MED27: variants seen among roughly 807,000 people sequenced by gnomAD.
The protein encoded by MED27 is mediator of RNA polymerase II transcription subunit 27.
MED27 carries 30 observed loss-of-function variants against 38.2 expected under a neutral mutation model. The ratio of observed to expected loss-of-function variants is 0.79; its 90% CI spans 0.59 to 1.07. MED27 has a LOEUF of 1.07. Ranked by LOEUF, MED27 falls within the 50% of genes least tolerant of loss-of-function variation. The pLI is 0.00. For synonymous variants in MED27, 122 were observed against 153.5 expected (o/e 0.79, Z 1.52); for missense variants, 289 against 397.5 (o/e 0.73, Z 2.32).
intron 3 of MED27, among the ~76,000 whole-genome samples, chr9:132,000,224 T>C (rs976360525): frequency 6.6e-6 from 1 of 151,964 alleles, no homozygotes; most frequent in Non-Finnish European, 1.5e-5. Context: ...ACCAAAGATA[T>C]ACGGATGGCA....
chr9:132,056,291 T>C (rs943199325), intron 2 of MED27, among the ~76,000 whole-genome samples: 1 of 152,194 alleles, frequency 6.6e-6, no homozygotes. Context: ...TTCTAAATCT[T>C]AGCGGAGTTC....
intron 6 of MED27, among the ~76,000 whole-genome samples, chr9:131,874,342 C>T (rs1259847693): frequency 6.6e-6 from 1 of 152,174 alleles, no homozygotes; most frequent in Non-Finnish European, 1.5e-5. Context: ...TGACCAGATG[C>T]CCCTGTCCCC....
chr9:131,906,203 G>A (rs1693213618), intron 4 of MED27, among the ~76,000 whole-genome samples: 1 of 152,206 alleles, frequency 6.6e-6, no homozygotes, highest in Non-Finnish European at 1.5e-5. Flanking sequence ...GACTGAGCAG[G>A]GAATACAACA....
chr9:131,949,095 A>G (rs994246170), intron 3 of MED27, among the ~76,000 whole-genome samples: 13 of 152,210 alleles, frequency 8.5e-5, no homozygotes, highest in African/African-American at 3.1e-4. Context: ...CACAAAATAG[A>G]GTTCTTCTTA....
intron 5 of MED27, among the ~76,000 whole-genome samples, chr9:131,892,614 T>C (rs1341538711): frequency 6.6e-6 from 1 of 152,200 alleles, no homozygotes; most frequent in South Asian, 2.1e-4. Context: ...GGAGTGACTA[T>C]GAAGTTGTCA....
chr9:132,050,337 C>A (rs1833436080), intron 2 of MED27, among the ~76,000 whole-genome samples: 1 of 152,162 alleles, frequency 6.6e-6, no homozygotes, highest in African/African-American at 2.4e-5. Context: ...CGTGCAGGGC[C>A]TCAGATGGGA....
intron 2 of MED27, among the ~76,000 whole-genome samples, chr9:132,032,949 A>G (rs1430634912): frequency 6.6e-6 from 1 of 152,196 alleles, no homozygotes; most frequent in Non-Finnish European, 1.5e-5. Flanking sequence ...CACCTTTCCA[A>G]CAAATTTAAT....
chr9:132,054,281 T>A (rs1833527319), intron 2 of MED27, among the ~76,000 whole-genome samples: 1 of 152,214 alleles, frequency 6.6e-6, no homozygotes, highest in African/African-American at 2.4e-5. Context: ...TCAGTGCTCC[T>A]GCTCTGACCA....
At chr9:131,906,475 T>C (rs935637261) in intron 4 of MED27, among the ~76,000 whole-genome samples, 1 of 151,640 alleles carries the variant, frequency 6.6e-6, no homozygotes, top group African/African-American at 2.4e-5. Context: ...TGGGCAAGAG[T>C]GTGGCTGGCC....
intron 3 of MED27, among the ~76,000 whole-genome samples, chr9:131,993,770 G>A (rs192106621): frequency 6.6e-6 from 1 of 152,216 alleles, no homozygotes; most frequent in Non-Finnish European, 1.5e-5. Flanking sequence ...TCCCAGCTGG[G>A]GCCACTGTCT....
chr9:131,964,189 G>T (rs570605630), intron 3 of MED27, among the ~76,000 whole-genome samples: 6 of 151,738 alleles, frequency 4.0e-5, no homozygotes, highest in African/African-American at 1.5e-4. Flanking sequence ...AGTTCAGAAG[G>T]TTGTTAGGAT....
At chr9:131,946,683 G>A (rs1181735657) in intron 3 of MED27, among the ~76,000 whole-genome samples, 6 of 152,186 alleles carry the variant, frequency 3.9e-5, no homozygotes, top group Admixed American at 3.3e-4. Context: ...CAGCTGCAGT[G>A]ACTGTTACAG....
chr9:131,893,870 C>T lies in MED27; in HGVS notation c.681+15G>A. On this transcript the variant is annotated intron_variant, in intron 5 of 7. Transcript: ENST00000292035. Reference sequence around the variant, plus strand: ...ACAGAAAACCAAGGAACACACAAGACTGCACAATGCTTACCTTGCCATCTT... The same window carrying T: ...ACAGAAAACCAAGGAACACACAAGATTGCACAATGCTTACCTTGCCATCTT... 1 of 1,593,174 alleles carries T rather than the reference C, an allele frequency of 6.3e-7. No individual in the cohort carries two copies. Among genetic ancestry groups the T allele is most frequent in the Non-Finnish European group, 8.6e-7 (1 of 1,161,664 alleles).
intron 2 of MED27, among the ~76,000 whole-genome samples, chr9:132,045,884 CCTT>C (rs1249043999): frequency 1.2e-4 from 18 of 152,158 alleles, no homozygotes; most frequent in African/African-American, 4.3e-4. Context: ...GTTCTCTGTT[CCTT>C]CTTCTTCACT....
chr9:131,873,182 T>C (rs1205200869), intron 6 of MED27, among the ~76,000 whole-genome samples: 1 of 152,230 alleles, frequency 6.6e-6, no homozygotes, highest in Non-Finnish European at 1.5e-5. Flanking sequence ...AAACTCTTTG[T>C]GGGTCCTGTG....
intron 5 of MED27, among the ~76,000 whole-genome samples, chr9:131,892,513 C>T (rs929480832): frequency 6.6e-6 from 1 of 152,184 alleles, no homozygotes; most frequent in African/African-American, 2.4e-5. Context: ...GTAGCACGGT[C>T]CTGATTATGA....
rs982576569 is a variant in MED27 at position 131,997,764 on chromosome 9, G to A, written c.479+16573C>T. On this transcript the variant is annotated intron_variant, in intron 3 of 7. Coordinates refer to ENST00000292035, the MANE Select transcript of MED27 (RefSeq NM_004269.4). The surrounding 1 kb of genome is among the most constrained non-coding windows in gnomAD (Gnocchi z 4.0). Reference sequence around the variant, plus strand: ...AGCTGGGGGCCTCCAGACAAGGTGGGAGCTTCGGTGTTGGCCTCTGTAAAG... The same window carrying A: ...AGCTGGGGGCCTCCAGACAAGGTGGAAGCTTCGGTGTTGGCCTCTGTAAAG... 6.6e-5 allele frequency among the ~76,000 whole-genome samples: 10 copies of A among 152,176 alleles called. No individual in the cohort carries two copies. The highest frequency in any genetic ancestry group is 2.2e-4 in the African/African-American group (9 of 41,420).
chr9:131,975,611 G>A (rs1438859146), intron 3 of MED27, among the ~76,000 whole-genome samples: 2 of 152,194 alleles, frequency 1.3e-5, no homozygotes, highest in Non-Finnish European at 2.9e-5. Context: ...CATTAGCGCT[G>A]GGGGAGCAAA....
At chr9:132,066,205 C>T (rs972836548) in intron 2 of MED27, among the ~76,000 whole-genome samples, 5 of 152,232 alleles carry the variant, frequency 3.3e-5, no homozygotes, top group African/African-American at 4.8e-5. Context: ...GGGGCAAAGC[C>T]GGCTGAGCTA....
Sources: gnomAD v4.1 joint callset for allele counts (sites outside exome capture counted in the v4.1 genomes callset) on GRCh38, gnomAD v4.1.1 for gene constraint, Gnocchi (gnomAD v3.1) non-coding constraint, MANE v1.5 for transcripts, NCBI Gene and HGNC (gene_info 2026-07-23, HGNC 2026-07-21) for gene names.